SCIN: variants seen among roughly 807,000 people sequenced by gnomAD.
The protein encoded by SCIN is adseverin.
SCIN carries 91 observed loss-of-function variants against 91.8 expected under a neutral mutation model. The ratio of observed to expected loss-of-function variants is 0.99; its 90% CI spans 0.84 to 1.18. SCIN has a LOEUF of 1.18. Among genes scored for constraint, SCIN ranks in the 50% most tolerant of loss-of-function variants. The probability of loss-of-function intolerance (pLI) is 0.00; values close to 1 mark genes in which losing one functional copy is unlikely to be tolerated. For missense variants in SCIN, 1,087 were observed against 863.9 expected, an observed-to-expected ratio of 1.26 and a Z score of -3.24; for synonymous variants, 367 against 312.6, an observed-to-expected ratio of 1.17 and a Z score of -1.84.
intron 1 of SCIN, among the ~76,000 whole-genome samples, chr7:12,575,185 A>C (rs530689735): frequency 6.6e-6 from 1 of 151,522 alleles, no homozygotes; most frequent in Non-Finnish European, 1.5e-5. Flanking sequence ...ATTACTGATG[A>C]ATCTTGTATC....
At chr7:12,586,366 A>G (rs781346336) in intron 3 of SCIN, among the ~76,000 whole-genome samples, 5 of 152,220 alleles carry the variant, frequency 3.3e-5, no homozygotes, top group Non-Finnish European at 7.3e-5. Context: ...AATGGAAAGC[A>G]AAACCACTAT....
chr7:12,583,033 G>A (rs928113742), intron 3 of SCIN, among the ~76,000 whole-genome samples: 6 of 151,886 alleles, frequency 4.0e-5, no homozygotes, highest in African/African-American at 9.7e-5. Context: ...GTAGGTGATC[G>A]CGAGGGTCCC....
intron 10 of SCIN, among the ~76,000 whole-genome samples, chr7:12,638,010 T>G (rs1420884557): frequency 6.6e-6 from 1 of 152,194 alleles, no homozygotes. Flanking sequence ...TCTAGCCTGG[T>G]TCAATCTTCT....
chr7:12,637,247 G>A lies in SCIN; in HGVS notation c.1410+1112G>A, dbSNP rs143807046. Among the ~76,000 whole-genome samples, 9 of 152,226 alleles carry A rather than the reference G, an allele frequency of 5.9e-5. No homozygotes were observed. The South Asian group carries it at 1.2e-3, about 21-fold the overall frequency. ...CAGAACAAGCACAGATTAACAATTC[G>A]AATTAATAGGTTAAAAAAAGATGCA... On this transcript the variant is annotated intron_variant, in intron 10 of 15. Coordinates refer to ENST00000297029, the MANE Select transcript of SCIN (RefSeq NM_001112706.3).
At chr7:12,596,751 T>C (rs1782851569) in intron 3 of SCIN, among the ~76,000 whole-genome samples, 1 of 152,000 alleles carries the variant, frequency 6.6e-6, no homozygotes, top group Non-Finnish European at 1.5e-5. Flanking sequence ...CTGTGCTCAC[T>C]GGTGCTACGC....
At chr7:12,596,338 T>A (rs79299379) in intron 3 of SCIN, 64 of 456,176 alleles carry the variant, frequency 1.4e-4, no homozygotes, top group African/African-American at 1.2e-3. Context: ...AAGTTGCTTC[T>A]CCCTGACGTC....
Position 12,651,501 on chromosome 7 carries a change from T to C in SCIN, c.1960-340T>C, listed in dbSNP as rs1415996468. ...ATATTTTGGTTTCCTTCGACTGCTG[T>C]CACACCCTAGGGGGTGGATGAAAAA... On this transcript the variant is annotated intron_variant, in intron 14 of 15. Transcript: ENST00000297029. This position sits in a 1 kb window ranked among gnomAD's most constrained non-coding sequence, Gnocchi z 5.9. 6.6e-6 allele frequency among the ~76,000 whole-genome samples: 1 copy of C among 151,696 alleles called. No homozygotes were observed. The highest frequency in any genetic ancestry group is 2.4e-5 in the African/African-American group (1 of 41,252).
chr7:12,647,963 C>T (rs1201771040), intron 13 of SCIN, among the ~76,000 whole-genome samples: 1 of 152,092 alleles, frequency 6.6e-6, no homozygotes, highest in African/African-American at 2.4e-5. Flanking sequence ...CCAGTCAGCT[C>T]CATAGCACCG....
chr7:12,591,675 A>G (rs1339656097), intron 3 of SCIN, among the ~76,000 whole-genome samples: 11 of 152,116 alleles, frequency 7.2e-5, no homozygotes, highest in African/African-American at 2.4e-5. Flanking sequence ...GCCACTTCAT[A>G]GAGGGGATGA....
chr7:12,622,447 A>C (rs1254227412), intron 4 of SCIN, among the ~76,000 whole-genome samples: 3 of 152,178 alleles, frequency 2.0e-5, no homozygotes, highest in Non-Finnish European at 4.4e-5. Context: ...CTAGAAGCAG[A>C]GGTCATAGAA....
At chr7:12,631,704 T>G (rs998113195) in intron 9 of SCIN, among the ~76,000 whole-genome samples, 1 of 152,156 alleles carries the variant, frequency 6.6e-6, no homozygotes, top group Admixed American at 6.5e-5. Context: ...TGTGATCTCT[T>G]GACTTTGGAC....
chr7:12,630,298 G>T (rs1369574729), intron 9 of SCIN, among the ~76,000 whole-genome samples: 3 of 152,142 alleles, frequency 2.0e-5, no homozygotes, highest in African/African-American at 7.2e-5. Flanking sequence ...TAGACTCTCA[G>T]GCCCCACCTT....
At chr7:12,632,943 TTG>T (rs898173918) in intron 9 of SCIN, among the ~76,000 whole-genome samples, 49 of 152,346 alleles carry the variant, frequency 3.2e-4, no homozygotes, top group African/African-American at 1.1e-3. Context: ...TTCAGAGTCC[TTG>T]TGAGTCTTCA....
In SCIN at chr7:12,652,604, G is replaced by A; in HGVS notation, c.2037G>A (p.Glu679=). 6.2e-7 allele frequency: 1 copy of A among 1,612,996 alleles called. No individual in the cohort carries two copies. The highest frequency in any genetic ancestry group is 2.2e-5 in the East Asian group (1 of 44,752). ...ESLKSAKMYL[E]TDPSGRDKRT... Reference sequence around the variant, plus strand: ...TTTTTTTAGCCAAAATGTACCTTGAGACAGACCCTTCTGGAAGAGACAAGA... The same window carrying A: ...TTTTTTTAGCCAAAATGTACCTTGAAACAGACCCTTCTGGAAGAGACAAGA... The change falls in exon 16 of 16, where the codon GAG becomes GAA. Residue 679 remains glutamate, a synonymous_variant. Coordinates refer to ENST00000297029, the MANE Select transcript of SCIN (RefSeq NM_001112706.3).
chr7:12,611,630 G>A (rs1029728036), intron 4 of SCIN, among the ~76,000 whole-genome samples: 13 of 152,090 alleles, frequency 8.5e-5, no homozygotes, highest in Admixed American at 2.0e-4. Context: ...GGGTTGTATC[G>A]AATGAACCAA....
In SCIN at chr7:12,644,747, G is replaced by C. The variant is rs921158242; in HGVS notation, c.1881+42G>C. ...ATAGTGCGATAGGGCTGGTTGCGGT[G>C]GCTCATGCCTGTAATCCCAGCACTT... On this transcript the variant is annotated intron_variant, in intron 13 of 15. Coordinates refer to ENST00000297029, the MANE Select transcript of SCIN (RefSeq NM_001112706.3). 7 of 1,539,222 alleles carry C rather than the reference G, an allele frequency of 4.5e-6. No individual in the cohort carries two copies. The African/African-American group carries it at 9.6e-5, about 21-fold the overall frequency.
chr7:12,590,016 G>A lies in SCIN; in HGVS notation c.516+8795G>A, dbSNP rs576327359. On this transcript the variant is annotated intron_variant, in intron 3 of 15. Coordinates refer to ENST00000297029, the MANE Select transcript of SCIN (RefSeq NM_001112706.3). ...TCCCATTTGCCCTTTCGACTTTTCC[G>A]GATGTCTGGGGCCAGCATGGGATAT... 2.6e-5 allele frequency among the ~76,000 whole-genome samples: 4 copies of A among 152,226 alleles called. No individual in the cohort carries two copies. The South Asian group carries it at 6.2e-4, about 24-fold the overall frequency.
chr7:12,625,853 A>G lies in SCIN; in HGVS notation c.981+3A>G, dbSNP rs780313989. 12 of 1,598,158 alleles carry G rather than the reference A, an allele frequency of 7.5e-6. No homozygotes were observed. The highest frequency in any genetic ancestry group is 1.0e-5 in the Non-Finnish European group (12 of 1,167,310). The stretch of plus-strand genomic sequence containing the variant: ...TGAATTATTCCAAGAATACCCAAGT[A>G]TGTGTGAAACTGAACTGGCTAGAAA... On this transcript the variant is annotated splice_donor_region_variant and intron_variant, in intron 7 of 15. Transcript: ENST00000297029.
At chr7:12,625,287 C>A in intron 6 of SCIN, 145 bp downstream of exon 6, 1 of 677,012 alleles carries the variant, frequency 1.5e-6, no homozygotes, top group Non-Finnish European at 2.3e-6. Flanking sequence ...AAAATGCAGC[C>A]ATTTTCCTCC....
Sources: allele counts gnomAD v4.1 joint callset (sites outside exome capture counted in the v4.1 genomes callset), GRCh38; gene constraint gnomAD v4.1.1; non-coding constraint Gnocchi (gnomAD v3.1); transcripts MANE v1.5; gene names NCBI Gene and HGNC (gene_info 2026-07-23, HGNC 2026-07-21).